LBX1: variants seen among roughly 807,000 people sequenced by gnomAD.
LBX1 encodes the protein ladybird homeobox 1.
Under a neutral mutation model 19.9 loss-of-function variants are expected in LBX1, and 6 were observed. That is an observed-to-expected ratio of 0.30 (90% CI 0.17 to 0.60). The LOEUF (loss-of-function observed/expected upper bound fraction) is 0.60. Among genes scored for constraint, LBX1 ranks in the 20% least tolerant of loss-of-function variants. The probability of loss-of-function intolerance (pLI) is 0.87; values close to 1 mark genes in which losing one functional copy is unlikely to be tolerated. For missense variants in LBX1, 344 were observed against 393.7 expected (o/e 0.87, Z 1.07); for synonymous variants, 190 against 189.3 (o/e 1.00, Z -0.03).
Position 101,228,474 on chromosome 10 carries a change from C to T in LBX1, c.325+17G>A. On this transcript the variant is annotated intron_variant, in intron 1 of 1. Coordinates refer to ENST00000370193, the MANE Select transcript of LBX1 (RefSeq NM_006562.5). Reference sequence around the variant, plus strand: ...CGCGAGGCGCTGGGTGCAGGGGAACCCAGCAGCTGCGCCTACCTTCGGCTG... The same window carrying T: ...CGCGAGGCGCTGGGTGCAGGGGAACTCAGCAGCTGCGCCTACCTTCGGCTG... 6.5e-7 allele frequency: 1 copy of T among 1,540,258 alleles called. No homozygotes were observed. The highest frequency in any genetic ancestry group is 1.4e-5 in the African/African-American group (1 of 72,090).
Position 101,228,526 on chromosome 10 carries a change from T to A in LBX1, c.290A>T (p.Lys97Met), listed in dbSNP as rs1466891699. ...CTGCAGAACGCTGACCTCCAGCCCC[T>A]TAAACGTCTTGCTGGCGAGCTCCTC... is the stretch of plus-strand genomic sequence containing the variant. ...ALEELASKTF[K>M]GLEVSVLQAA... The change falls in exon 1 of 2, where the codon AAG becomes ATG. Residue 97 changes from lysine to methionine, a missense_variant. Lys to Met is a moderately conservative substitution (Grantham distance 95, BLOSUM62 -1). Around this residue, in one of 3 missense-constraint regions of LBX1, gnomAD observed 153 missense variants for 168.9 expected, o/e 0.91. Transcript: ENST00000370193. 1 of 1,554,854 alleles carries A rather than the reference T, an allele frequency of 6.4e-7. No homozygotes were observed. Among genetic ancestry groups the A allele is most frequent in the East Asian group, 2.4e-5 (1 of 41,486 alleles).
Position 101,227,513 on chromosome 10 carries a change from C to G in LBX1, c.603G>C (p.Gly201=). The change falls in exon 2 of 2, where the codon GGG becomes GGC. Residue 201 remains glycine, a synonymous_variant. Coordinates refer to ENST00000370193, the MANE Select transcript of LBX1 (RefSeq NM_006562.5). The part of the protein sequence containing the change: ...VESAKKLGPS[G]QMDIVALAEL... Reference sequence around the variant, plus strand: ...CGGCCAGCGCCACGATGTCCATCTGCCCGCTGGGGCCCAGTTTCTTGGCGG... The same window carrying G: ...CGGCCAGCGCCACGATGTCCATCTGGCCGCTGGGGCCCAGTTTCTTGGCGG... 6.2e-7 allele frequency: 1 copy of G among 1,613,320 alleles called. No homozygotes were observed. Among genetic ancestry groups the G allele is most frequent in the Middle Eastern group, 1.7e-4 (1 of 6,058 alleles).
Position 101,228,843 on chromosome 10 carries a change from G to A in LBX1, c.-28C>T. 1 of 1,421,184 alleles carries A rather than the reference G, an allele frequency of 7.0e-7. No homozygotes were observed. The highest frequency in any genetic ancestry group is 1.7e-5 in the South Asian group (1 of 58,598). 88.0% of individuals were successfully genotyped at this position (1,421,184 alleles called of 1,614,324 possible). ...CGGCCTTGTTCGGGGTCCCGGCCGG[G>A]GCGGCTCGGGCCGCGGGGACCCAGC... On this transcript the variant is annotated 5_prime_UTR_variant, in exon 1 of 2. Coordinates refer to ENST00000370193, the MANE Select transcript of LBX1 (RefSeq NM_006562.5).
chr10:101,228,354 C>T, intron 1 of LBX1, 137 bp downstream of exon 1: 1 of 627,380 alleles, frequency 1.6e-6, no homozygotes, highest in Non-Finnish European at 2.6e-6. Flanking sequence ...CATATCTTCA[C>T]TCCCATAAGC....
Position 101,228,886 on chromosome 10 carries a change from G to T in LBX1, c.-71C>A. 1.8e-6 allele frequency: 2 copies of T among 1,117,810 alleles called. No homozygotes were observed. Among genetic ancestry groups the T allele is most frequent in the Non-Finnish European group, 2.3e-6 (2 of 870,786 alleles). 69.2% of individuals were successfully genotyped at this position (1,117,810 alleles called of 1,614,324 possible). On this transcript the variant is annotated 5_prime_UTR_variant, in exon 1 of 2. Coordinates refer to ENST00000370193, the MANE Select transcript of LBX1 (RefSeq NM_006562.5). ...GACCCAGCCCGCGGGCAGCTCGGGC[G>T]CCGGACGGCGCGGGCAGGCAGCGGC...
chr10:101,227,072 G>A lies in LBX1; in HGVS notation c.*198C>T. 1 of 506,300 alleles carries A rather than the reference G, an allele frequency of 2.0e-6. No homozygotes were observed. The highest frequency in any genetic ancestry group is 3.9e-5 in the Admixed American group (1 of 25,932). 31.4% of individuals were successfully genotyped at this position (506,300 alleles called of 1,614,324 possible). A position where few individuals can be genotyped will look rare whatever the true frequency, so the allele number is the denominator to read the frequency against. On this transcript the variant is annotated 3_prime_UTR_variant, in exon 2 of 2. Transcript: ENST00000370193. ...GGGGCGGCGGAGGCCGCTGGTGGCG[G>A]CCGGCCCGGCCGGCCAGCCTGGGTT...
At position 101,227,196 on chromosome 10, in the gene LBX1, C is replaced by CGGCGGTCCGGTCCGGGAGGCG. The variant is rs1941053083; in HGVS notation, c.*53_*73dup. 1.5e-5 allele frequency: 22 copies of CGGCGGTCCGGTCCGGGAGGCG among 1,461,880 alleles called. No homozygotes were observed. In the South Asian group the frequency reaches 2.8e-4, roughly 19 times the overall value. 90.6% of individuals were successfully genotyped at this position (1,461,880 alleles called of 1,614,324 possible). A position where few individuals can be genotyped will look rare whatever the true frequency, so the allele number is the denominator to read the frequency against. ...TGGCAGAGGAGGTCCCAGCTCCCCT[C>CGGCGGTCCGGTCCGGGAGGCG]GGCGGTCCGGTCCGGGAGGCGTTGG... On this transcript the variant is annotated 3_prime_UTR_variant, in exon 2 of 2. Coordinates refer to ENST00000370193, the MANE Select transcript of LBX1 (RefSeq NM_006562.5).
intron 1 of LBX1, among the ~76,000 whole-genome samples, chr10:101,227,991 C>T (rs1941065254): frequency 6.6e-6 from 1 of 152,110 alleles, no homozygotes; most frequent in African/African-American, 2.4e-5. Context: ...TCCCAGAAGT[C>T]CCTAGGAAAA....
In LBX1 at chr10:101,227,402, G is replaced by A. The variant is rs200155323; in HGVS notation, c.714C>T (p.Pro238=). The part of the protein sequence containing the change: ...AKSRPGSPVL[P]PGAPKAPGAG... ...CGCCCGGGGCCTTCGGGGCGCCTGG[G>A]GGGAGGACCGGAGAGCCGGGCCTCG... The change falls in exon 2 of 2, where the codon CCC becomes CCT. Residue 238 remains proline (P), a synonymous_variant. Coordinates refer to ENST00000370193, the MANE Select transcript of LBX1 (RefSeq NM_006562.5). 3 of 1,601,544 alleles carry A rather than the reference G, an allele frequency of 1.9e-6. No homozygotes were observed. The highest frequency in any genetic ancestry group is 1.1e-5 in the South Asian group (1 of 90,454).
rs758093491 is a variant in LBX1, at chr10:101,227,576, G to A, written c.540C>T (p.Leu180=). 1.2e-6 allele frequency: 2 copies of A among 1,614,210 alleles called. No individual in the cohort carries two copies. Among genetic ancestry groups the A allele is most frequent in the South Asian group, 2.2e-5 (2 of 91,090 alleles). ...CCTTCATCTCCTCCAGGTCCCGCTT[G>A]AGCTTAGCGCGCCGATTCTGGAACC... ...ITWFQNRRAK[L]KRDLEEMKAD... The change falls in exon 2 of 2, where the codon CTC becomes CTT. Residue 180 remains leucine, a synonymous_variant. Coordinates refer to ENST00000370193, the MANE Select transcript of LBX1 (RefSeq NM_006562.5).
Position 101,227,400 on chromosome 10 carries a change from G to T in LBX1, c.716C>A (p.Pro239Gln), listed in dbSNP as rs912598304. Residue 239 changes from proline to glutamine, a missense_variant, in exon 2 of 2, where the codon CCA (proline) becomes CAA (glutamine). Physicochemically the swap from Pro to Gln is moderately conservative, Grantham distance 76 (BLOSUM62 -1). Coordinates refer to ENST00000370193, the MANE Select transcript of LBX1 (RefSeq NM_006562.5). The part of the protein sequence containing the change: ...KSRPGSPVLP[P>Q]GAPKAPGAGA... ...AGCGCCCGGGGCCTTCGGGGCGCCT[G>T]GGGGGAGGACCGGAGAGCCGGGCCT... 6.2e-7 allele frequency: 1 copy of T among 1,601,050 alleles called. No homozygotes were observed.
chr10:101,229,390 T>C lies in LBX1; in HGVS notation c.-575A>G, dbSNP rs1448178336. 3.1e-5 allele frequency: 6 copies of C among 193,250 alleles called. 1 individual carries two copies. The South Asian group carries it at 4.3e-4, about 14-fold the overall frequency. 12.0% of individuals were successfully genotyped at this position (193,250 alleles called of 1,614,324 possible). Reference sequence around the variant, plus strand: ...TCCCTCCCTCCCTCTCTCTTCTCTCTTCTCTGCTCCCCCCTTCTCTCTCCT... The same window carrying C: ...TCCCTCCCTCCCTCTCTCTTCTCTCCTCTCTGCTCCCCCCTTCTCTCTCCT... On this transcript the variant is annotated 5_prime_UTR_variant, in exon 1 of 2. Coordinates refer to ENST00000370193, the MANE Select transcript of LBX1 (RefSeq NM_006562.5). This position sits in a 1 kb window ranked among gnomAD's most constrained non-coding sequence, Gnocchi z 6.4.
rs765415448 is a variant in LBX1 at position 101,228,639 on chromosome 10, C to T, written c.177G>A (p.Leu59=). 6 of 1,587,650 alleles carry T rather than the reference C, an allele frequency of 3.8e-6. No homozygotes were observed. Among genetic ancestry groups the T allele is most frequent in the Non-Finnish European group, 5.1e-6 (6 of 1,168,378 alleles). The stretch of plus-strand genomic sequence containing the variant: ...GCGCGTGCTTGTCCGCGGCGGCCAG[C>T]AGGTGCGCCGCCCCGCACAGCGAGT... The part of the protein sequence containing the change: ...RSYSLCGAAH[L]LAAADKHAQG... The change falls in exon 1 of 2, where the codon CTG becomes CTA. Residue 59 remains leucine (L), a synonymous_variant. Transcript: ENST00000370193.
rs772137654 is a variant in LBX1 at position 101,227,401 on chromosome 10, G to C, written c.715C>G (p.Pro239Ala). 10 of 1,601,954 alleles carry C rather than the reference G, an allele frequency of 6.2e-6. No homozygotes were observed. In the East Asian group the frequency reaches 6.7e-5, roughly 11 times the overall value. ...GCGCCCGGGGCCTTCGGGGCGCCTG[G>C]GGGGAGGACCGGAGAGCCGGGCCTC... ...KSRPGSPVLP[P>A]GAPKAPGAGA... is the part of the protein sequence containing the mutation. The change falls in exon 2 of 2, where the codon CCA becomes GCA. Residue 239 changes from proline (P) to alanine (A), a missense_variant. Around this residue, in one of 3 missense-constraint regions of LBX1, gnomAD observed 146 missense variants for 124.2 expected, o/e 1.18. Coordinates refer to ENST00000370193, the MANE Select transcript of LBX1 (RefSeq NM_006562.5).
chr10:101,227,029 TG>T lies in LBX1; in HGVS notation c.*240del, dbSNP rs891265786. 1.7e-5 allele frequency: 8 copies of T among 458,318 alleles called. 1 individual carries two copies. The highest frequency in any genetic ancestry group is 3.1e-5 in the Non-Finnish European group (8 of 261,990). The allele number at this position is 458,318 out of a possible 1,614,324, so 28.4% of individuals were successfully genotyped here. A position where few individuals can be genotyped will look rare whatever the true frequency, so the allele number is the denominator to read the frequency against. Reference sequence around the variant, plus strand: ...TATTTATATAGAAGCCATACAGAATTGCACGGCGAGGGCTTCCGGGGCGGCG... The same window carrying T: ...TATTTATATAGAAGCCATACAGAATTCACGGCGAGGGCTTCCGGGGCGGCG... On this transcript the variant is annotated 3_prime_UTR_variant, in exon 2 of 2. Coordinates refer to ENST00000370193, the MANE Select transcript of LBX1 (RefSeq NM_006562.5).
chr10:101,227,564 C>G lies in LBX1; in HGVS notation c.552G>C (p.Leu184=). 6.2e-7 allele frequency: 1 copy of G among 1,614,212 alleles called. No homozygotes were observed. The highest frequency in any genetic ancestry group is 1.3e-5 in the African/African-American group (1 of 75,066). ...QNRRAKLKRD[L]EEMKADVESA... ...ACTCTACGTCGGCCTTCATCTCCTC[C>G]AGGTCCCGCTTGAGCTTAGCGCGCC... Residue 184 remains leucine, a synonymous_variant, in exon 2 of 2, where the codon CTG becomes CTC. Transcript: ENST00000370193.
chr10:101,227,890 G>T, intron 1 of LBX1, 100 bp from the exon 2 acceptor site: 2 of 1,135,216 alleles, frequency 1.8e-6, no homozygotes, highest in Non-Finnish European at 2.5e-6. Context: ...TGTCCGGCCT[G>T]CAGTCTACCA....
Position 101,227,294 on chromosome 10 carries a change from G to A in LBX1, c.822C>T (p.Asp274=). The A allele has an allele frequency of 6.2e-7, 1 of 1,607,172 alleles. No individual in the cohort carries two copies. Among genetic ancestry groups the A allele is most frequent in the Non-Finnish European group, 8.5e-7 (1 of 1,178,170 alleles). ...SSQDCSEDEE[D]EEIDVDD is the part of the protein sequence containing the mutation. ...CTCAATCGTCCACGTCGATCTCTTCGTCTTCCTCGTCCTCCGAGCAGTCCT... is the reference window on the plus strand; with the variant it reads ...CTCAATCGTCCACGTCGATCTCTTCATCTTCCTCGTCCTCCGAGCAGTCCT... Residue 274 remains aspartate (D), a synonymous_variant, in exon 2 of 2, where the codon GAC becomes GAT. Coordinates refer to ENST00000370193, the MANE Select transcript of LBX1 (RefSeq NM_006562.5).
In LBX1 at chr10:101,228,609, G is replaced by A; in HGVS notation, c.207C>T (p.Gly69=). Residue 69 remains glycine, a synonymous_variant, in exon 1 of 2, where the codon GGC becomes GGT. Transcript: ENST00000370193. The part of the protein sequence containing the change: ...LLAAADKHAQ[G]GLPLAGRALL... Reference sequence around the variant, plus strand: ...GCGCGCGGCCCGCCAGGGGCAAGCCGCCCTGCGCGTGCTTGTCCGCGGCGG... The same window carrying A: ...GCGCGCGGCCCGCCAGGGGCAAGCCACCCTGCGCGTGCTTGTCCGCGGCGG... 6.4e-7 allele frequency: 1 copy of A among 1,565,136 alleles called. No individual in the cohort carries two copies. Among genetic ancestry groups the A allele is most frequent in the Non-Finnish European group, 8.7e-7 (1 of 1,155,108 alleles).
Sources: gnomAD v4.1 joint callset for allele counts (sites outside exome capture counted in the v4.1 genomes callset) on GRCh38, gnomAD v4.1.1 for gene constraint, gnomAD v4.1.1 regional missense constraint, Gnocchi (gnomAD v3.1) non-coding constraint, MANE v1.5 for transcripts, NCBI Gene and HGNC (gene_info 2026-07-23, HGNC 2026-07-21) for gene names.